The following CFHR5 variants were observed in gnomAD, a reference collection of about 807,000 sequenced individuals.
CFHR5 encodes complement factor H-related protein 5.
A neutral mutation model predicts 62.9 loss-of-function variants in CFHR5; 73 were observed. The observed-to-expected ratio is 1.16, with a 90% CI of 0.96 to 1.41. The LOEUF is 1.41. CFHR5 is among the 40% of genes most tolerant of loss of function. The probability of loss-of-function intolerance (pLI) is 0.00; values close to 1 mark genes in which losing one functional copy is unlikely to be tolerated. For synonymous variants in CFHR5, 249 were observed against 227.2 expected (o/e 1.10, Z -0.86); for missense variants, 779 against 679.9 (o/e 1.15, Z -1.62).
At chr1:196,992,733 A>T (rs760468674) in intron 3 of CFHR5, among the ~76,000 whole-genome samples, 1 of 152,222 alleles carries the variant, frequency 6.6e-6, no homozygotes, top group Admixed American at 6.5e-5. Context: ...TAAACAACCA[A>T]TAAAGAACTG....
chr1:197,000,437 A>G (rs1435103488), intron 7 of CFHR5, among the ~76,000 whole-genome samples: 1 of 152,176 alleles, frequency 6.6e-6, no homozygotes, highest in African/African-American at 2.4e-5. Context: ...AGAAATTTCT[A>G]AACAGATGTC....
At chr1:196,995,498 TTCTC>T (rs2125034491) in intron 4 of CFHR5, among the ~76,000 whole-genome samples, 2 of 152,272 alleles carry the variant, frequency 1.3e-5, no homozygotes, top group South Asian at 4.1e-4. Flanking sequence ...TATGCATTCT[TTCTC>T]CTTTCATTTG....
intron 3 of CFHR5, among the ~76,000 whole-genome samples, chr1:196,992,007 G>T (rs928386833): frequency 1.3e-5 from 2 of 152,218 alleles, no homozygotes; most frequent in Non-Finnish European, 2.9e-5. Flanking sequence ...GGAGTTTACA[G>T]AAGCAGCAGG....
Position 196,984,073 on chromosome 1 carries a change from C to G in CFHR5, c.366C>G (p.Asn122Lys). ...IICNTGYSLQ[N>K]NEKNISCVER... ...GCAACACAGGATACAGCCTTCAAAA[C>G]AATGAGAAAAACATTTCGTGTGTAG... Residue 122 changes from asparagine (N) to lysine (K), a missense_variant, in exon 3 of 10, where the codon AAC becomes AAG. Physicochemically the swap from Asn to Lys is moderately conservative, Grantham distance 94. Coordinates refer to ENST00000256785, the MANE Select transcript of CFHR5 (RefSeq NM_030787.4). 1 of 1,613,718 alleles carries G rather than the reference C, an allele frequency of 6.2e-7. No individual in the cohort carries two copies. The highest frequency in any genetic ancestry group is 8.5e-7 in the Non-Finnish European group (1 of 1,179,790).
chr1:196,988,367 C>T (rs976410801), intron 3 of CFHR5, among the ~76,000 whole-genome samples: 6 of 152,150 alleles, frequency 3.9e-5, no homozygotes, highest in African/African-American at 1.4e-4. Context: ...TGATTTCTTT[C>T]TCCTGCCTGA....
intron 1 of CFHR5, among the ~76,000 whole-genome samples, chr1:196,978,435 A>G (rs1653451380): frequency 6.6e-6 from 1 of 152,148 alleles, no homozygotes; most frequent in African/African-American, 2.4e-5. Context: ...AAGGTCTAGG[A>G]TACTGATTAA....
intron 6 of CFHR5, 110 bp from the exon 7 acceptor site, chr1:196,998,018 A>T: frequency 1.4e-6 from 1 of 716,482 alleles, no homozygotes; most frequent in Non-Finnish European, 2.3e-6. Context: ...TGAGATTAAG[A>T]ATAAGTTTTG....
chr1:196,995,837 T>C lies in CFHR5; in HGVS notation c.728T>C (p.Ile243Thr), dbSNP rs774892413. Residue 243 changes from isoleucine to threonine, a missense_variant, in exon 5 of 10, where the codon ATA becomes ACA. Coordinates refer to ENST00000256785, the MANE Select transcript of CFHR5 (RefSeq NM_030787.4). ...TATGATTGCAATCCTAATTTTATAA[T>C]AAACGGGCCTAAGAAAATACAATGT... ...VEYDCNPNFI[I>T]NGPKKIQCVD... 1.2e-6 allele frequency: 2 copies of C among 1,613,290 alleles called. No homozygotes were observed. Among genetic ancestry groups the C allele is most frequent in the South Asian group, 2.2e-5 (2 of 91,076 alleles).
chr1:196,979,103 A>G (rs1445233352), intron 1 of CFHR5, among the ~76,000 whole-genome samples: 1 of 152,188 alleles, frequency 6.6e-6, no homozygotes, highest in Non-Finnish European at 1.5e-5. Context: ...CAAAACATGA[A>G]TCAAGCAATA....
chr1:197,007,650 C>G (rs1288049792), intron 9 of CFHR5, among the ~76,000 whole-genome samples: 1 of 147,394 alleles, frequency 6.8e-6, no homozygotes, highest in Non-Finnish European at 1.5e-5. Context: ...TATATGTATA[C>G]ACATATACAT....
intron 9 of CFHR5, among the ~76,000 whole-genome samples, chr1:197,007,546 G>A (rs1276746268): frequency 1.3e-5 from 2 of 151,238 alleles, no homozygotes; most frequent in Non-Finnish European, 2.9e-5. Flanking sequence ...GATGTGGAGA[G>A]TTAAGCACTC....
intron 3 of CFHR5, among the ~76,000 whole-genome samples, chr1:196,990,085 G>A (rs1653805087): frequency 1.3e-5 from 2 of 152,084 alleles, no homozygotes; most frequent in African/African-American, 2.4e-5. Context: ...CGGATAGTTA[G>A]CTCTTCTTGT....
intron 3 of CFHR5, among the ~76,000 whole-genome samples, chr1:196,992,073 T>C (rs994653804): frequency 3.3e-5 from 5 of 152,326 alleles, no homozygotes; most frequent in Admixed American, 2.6e-4. Context: ...CTGCTTTGTT[T>C]ACCTACTCAA....
chr1:196,994,416 T>C (rs1168001837), intron 4 of CFHR5, among the ~76,000 whole-genome samples, 160 bp downstream of exon 4: 1 of 152,202 alleles, frequency 6.6e-6, no homozygotes, highest in Non-Finnish European at 1.5e-5. Context: ...GCATAGATTA[T>C]TTAGGTGTCC....
rs968173739 is a variant in CFHR5 at position 197,008,372 on chromosome 1, T to C, written c.1514-115T>C. On this transcript the variant is annotated intron_variant, in intron 9 of 9. Coordinates refer to ENST00000256785, the MANE Select transcript of CFHR5 (RefSeq NM_030787.4). Reference sequence around the variant, plus strand: ...ATAAATATTATTTTTTAAATAAATATTAATATTTTTCATCATTTTAATTCC... The same window carrying C: ...ATAAATATTATTTTTTAAATAAATACTAATATTTTTCATCATTTTAATTCC... 7 of 489,664 alleles carry C rather than the reference T, an allele frequency of 1.4e-5. No individual in the cohort carries two copies. The Admixed American group carries it at 2.9e-4, about 20-fold the overall frequency. The allele number at this position is 489,664 out of a possible 1,614,324, so 30.3% of individuals were successfully genotyped here.
intron 1 of CFHR5, among the ~76,000 whole-genome samples, chr1:196,980,106 T>C (rs1369967016): frequency 6.6e-6 from 1 of 152,124 alleles, no homozygotes; most frequent in Non-Finnish European, 1.5e-5. Flanking sequence ...ATCATCAGTA[T>C]CACTGTCTTC....
Position 196,998,310 on chromosome 1 carries a change from A to T in CFHR5, c.1147+6A>T. On this transcript the variant is annotated splice_donor_region_variant and intron_variant, in intron 7 of 9. Transcript: ENST00000256785. ...TCCTGAAGTAGACTGCACAGGTAAGATTTGTTTAAAACATTTTGTTGATCT... is the reference window on the plus strand; with the variant it reads ...TCCTGAAGTAGACTGCACAGGTAAGTTTTGTTTAAAACATTTTGTTGATCT... 1 of 1,607,748 alleles carries T rather than the reference A, an allele frequency of 6.2e-7. No homozygotes were observed. The highest frequency in any genetic ancestry group is 8.5e-7 in the Non-Finnish European group (1 of 1,175,676).
At chr1:196,988,759 G>A (rs1261943049) in intron 3 of CFHR5, among the ~76,000 whole-genome samples, 2 of 152,110 alleles carry the variant, frequency 1.3e-5, no homozygotes, top group East Asian at 3.8e-4. Context: ...TGTGCTGCTG[G>A]ATTTGGTTTG....
intron 3 of CFHR5, among the ~76,000 whole-genome samples, chr1:196,986,872 G>A: frequency 6.6e-6 from 1 of 152,082 alleles, no homozygotes; most frequent in East Asian, 1.9e-4. Flanking sequence ...ATAATCTTAT[G>A]GGTATATACC....
Sources: allele counts gnomAD v4.1 joint callset (sites outside exome capture counted in the v4.1 genomes callset), GRCh38; gene constraint gnomAD v4.1.1; transcripts MANE v1.5; gene names NCBI Gene and HGNC (gene_info 2026-07-23, HGNC 2026-07-21).